Variants in ANKHD1 observed in about 807,000 individuals in gnomAD.
ANKHD1 encodes the protein ankyrin repeat and KH domain-containing protein 1.
ANKHD1 carries 31 observed loss-of-function variants against 230.5 expected under a neutral mutation model. That is an observed-to-expected ratio of 0.13 (90% CI 0.10 to 0.18). The LOEUF is 0.18. ANKHD1 is among the 10% of genes least tolerant of loss of function. ANKHD1 has a pLI of 1.00. For synonymous variants in ANKHD1, 1,074 were observed against 1,117.6 expected (o/e 0.96, Z 0.78); for missense variants, 2,256 against 3,071.3 (o/e 0.73, Z 6.27).
chr5:140,487,554 C>T (rs1293893268), intron 14 of ANKHD1, among the ~76,000 whole-genome samples: 1 of 152,080 alleles, frequency 6.6e-6, no homozygotes, highest in Non-Finnish European at 1.5e-5. Context: ...GGACAAATAA[C>T]TATCAAAATA....
intron 14 of ANKHD1, among the ~76,000 whole-genome samples, chr5:140,490,762 G>T (rs1751736216): frequency 6.6e-6 from 1 of 152,016 alleles, no homozygotes; most frequent in Non-Finnish European, 1.5e-5. Flanking sequence ...CACATCTTTT[G>T]TGTATACCTC....
intron 1 of ANKHD1, among the ~76,000 whole-genome samples, chr5:140,415,842 G>A (rs1167085338): frequency 1.3e-5 from 2 of 151,560 alleles, no homozygotes; most frequent in East Asian, 3.9e-4. Flanking sequence ...CAACCTGCAG[G>A]TTTGTTACAT....
chr5:140,422,539 C>G (rs908019622), intron 1 of ANKHD1, among the ~76,000 whole-genome samples: 2 of 152,008 alleles, frequency 1.3e-5, no homozygotes, highest in African/African-American at 4.8e-5. Context: ...TTAAAGACAT[C>G]AGTCTTCCAG....
rs55859898 is a variant in ANKHD1 at position 140,485,397 on chromosome 5, AACACACAC to A, written c.1999-169_1999-162del. The A allele has an allele frequency of 7.7e-5, 51 of 665,736 alleles. No individual in the cohort carries two copies. The highest frequency in any genetic ancestry group is 4.6e-4 in the Middle Eastern group (1 of 2,174). The allele number at this position is 665,736 out of a possible 1,614,324, so 41.2% of individuals were successfully genotyped here. ...CATAAGGAGACCCCATCTCTATTAA[AACACACAC>A]ACACACACACACACACACACACGTA... On this transcript the variant is annotated intron_variant, in intron 12 of 33. Transcript: ENST00000360839. This position sits in a 1 kb window ranked among gnomAD's most constrained non-coding sequence, Gnocchi z 4.8.
intron 10 of ANKHD1, among the ~76,000 whole-genome samples, chr5:140,471,900 C>T (rs751401648): frequency 1.3e-5 from 2 of 152,080 alleles, no homozygotes; most frequent in African/African-American, 2.4e-5. Context: ...CTCTTGATTT[C>T]ATTATTTTCT....
intron 15 of ANKHD1, among the ~76,000 whole-genome samples, chr5:140,499,871 C>CTTT (rs543786978): frequency 1.4e-5 from 2 of 140,462 alleles, no homozygotes; most frequent in South Asian, 2.3e-4. Flanking sequence ...AATTTTCTTT[C>CTTT]TTTTTTTTTT....
chr5:140,477,980 T>TA (rs1751060370), intron 10 of ANKHD1, among the ~76,000 whole-genome samples: 1 of 152,112 alleles, frequency 6.6e-6, no homozygotes, highest in South Asian at 2.1e-4. Flanking sequence ...AGAAACTGAG[T>TA]TACCAGTGCA....
chr5:140,427,011 C>T (rs1581228529), intron 1 of ANKHD1, among the ~76,000 whole-genome samples: 1 of 152,208 alleles, frequency 6.6e-6, no homozygotes, highest in Non-Finnish European at 1.5e-5. Context: ...CATCATGGCC[C>T]GTTCTCAATG....
At chr5:140,537,784 A>G in intron 31 of ANKHD1, 195 bp downstream of exon 31, 1 of 967,998 alleles carries the variant, frequency 1.0e-6, no homozygotes, top group Non-Finnish European at 1.4e-6. Context: ...GAGGTAATAC[A>G]TAGAGTTAAT....
chr5:140,495,622 C>A (rs189486298), intron 14 of ANKHD1, among the ~76,000 whole-genome samples: 16 of 152,246 alleles, frequency 1.1e-4, no homozygotes, highest in Admixed American at 2.0e-4. Context: ...TTATGTCCTT[C>A]ATTTCATGTC....
intron 1 of ANKHD1, among the ~76,000 whole-genome samples, chr5:140,431,783 T>C (rs559961444): frequency 1.5e-4 from 23 of 152,202 alleles, no homozygotes; most frequent in Non-Finnish European, 2.5e-4. Flanking sequence ...CAATAAATTA[T>C]CTTATGCATT....
chr5:140,454,188 C>T (rs961453579), intron 7 of ANKHD1, among the ~76,000 whole-genome samples: 8 of 152,174 alleles, frequency 5.3e-5, no homozygotes, highest in Non-Finnish European at 1.0e-4. Flanking sequence ...GCACCCAATA[C>T]AGGAGCACCC....
intron 28 of ANKHD1, 41 bp downstream of exon 28, chr5:140,528,063 T>G (rs753189316): frequency 6.2e-7 from 1 of 1,607,426 alleles, no homozygotes; most frequent in Admixed American, 1.7e-5. Flanking sequence ...TGAGTAGAAA[T>G]TATAAGAAGC....
At chr5:140,476,191 A>G (rs1375068588) in intron 10 of ANKHD1, among the ~76,000 whole-genome samples, 2 of 152,080 alleles carry the variant, frequency 1.3e-5, no homozygotes, top group African/African-American at 4.8e-5. Context: ...ATATATAATG[A>G]AATATAGTAA....
At chr5:140,522,210 T>A (rs1753381254) in intron 24 of ANKHD1, among the ~76,000 whole-genome samples, 1 of 152,256 alleles carries the variant, frequency 6.6e-6, no homozygotes, top group African/African-American at 2.4e-5. Context: ...AATGGAATCA[T>A]ATAATATTTG....
At chr5:140,503,592 G>A (rs1400917297) in intron 15 of ANKHD1, among the ~76,000 whole-genome samples, 1 of 86,102 alleles carries the variant, frequency 1.2e-5, no homozygotes, top group African/African-American at 4.5e-5. Context: ...TTTTGAGATG[G>A]AGTCTCACTC....
At chr5:140,539,147 G>C in intron 33 of ANKHD1, 64 bp downstream of exon 33, 1 of 1,541,814 alleles carries the variant, frequency 6.5e-7, no homozygotes, top group Non-Finnish European at 8.7e-7. Context: ...TGTTTTGTGA[G>C]AAGTATAAGT....
chr5:140,512,237 CA>C (rs61129594), intron 22 of ANKHD1, among the ~76,000 whole-genome samples: 16,734 of 87,866 alleles, frequency 0.19, 996 homozygotes, highest in Middle Eastern at 0.33. Flanking sequence ...ACTCCCATCT[CA>C]AAAAAAAAAA....
chr5:140,504,012 C>G (rs1307390941), intron 15 of ANKHD1, among the ~76,000 whole-genome samples: 1 of 152,164 alleles, frequency 6.6e-6, no homozygotes, highest in Non-Finnish European at 1.5e-5. Context: ...CACATACTCC[C>G]TGCTATTTAT....
Sources: allele counts gnomAD v4.1 joint callset (sites outside exome capture counted in the v4.1 genomes callset), GRCh38; gene constraint gnomAD v4.1.1; non-coding constraint Gnocchi (gnomAD v3.1); transcripts MANE v1.5; gene names NCBI Gene and HGNC (gene_info 2026-07-23, HGNC 2026-07-21).